DIS3L2: variants seen among roughly 807,000 people sequenced by gnomAD.
DIS3L2 encodes the protein DIS3 like 3'-5' exoribonuclease 2.
Under a neutral mutation model 97.5 loss-of-function variants are expected in DIS3L2, and 34 were observed. The observed-to-expected ratio is 0.35, with a 90% confidence interval of 0.27 to 0.46. DIS3L2 has a LOEUF of 0.46. DIS3L2 is among the 20% of genes least tolerant of loss of function. The probability of loss-of-function intolerance (pLI) is 1.00; values close to 1 mark genes in which losing one functional copy is unlikely to be tolerated. For synonymous variants in DIS3L2, 435 were observed against 445.2 expected, an observed-to-expected ratio of 0.98 and a Z score of 0.29; for missense variants, 1,038 against 1,146.0, an observed-to-expected ratio of 0.91 and a Z score of 1.36.
intron 1 of DIS3L2, among the ~76,000 whole-genome samples, chr2:232,001,865 A>G (rs369994616): frequency 6.6e-6 from 1 of 151,676 alleles, no homozygotes; most frequent in East Asian, 1.9e-4. Flanking sequence ...GATTACAGGC[A>G]TGTGCCACCA....
chr2:232,022,517 C>T (rs1331522973), intron 3 of DIS3L2, among the ~76,000 whole-genome samples: 1 of 151,992 alleles, frequency 6.6e-6, no homozygotes, highest in Non-Finnish European at 1.5e-5. Flanking sequence ...ATTCTGATCT[C>T]TGTACTTGTT....
intron 8 of DIS3L2, among the ~76,000 whole-genome samples, chr2:232,147,993 T>C (rs1690267584): frequency 1.4e-5 from 1 of 73,978 alleles, no homozygotes. Flanking sequence ...TCCGCTCCCC[T>C]CTTTTCTCCT....
chr2:232,011,646 C>G (rs533392376), intron 1 of DIS3L2, among the ~76,000 whole-genome samples: 1 of 150,904 alleles, frequency 6.6e-6, no homozygotes, highest in South Asian at 2.1e-4. Flanking sequence ...AGCCACTGTG[C>G]CTGCCTGTTT....
Position 232,120,901 on chromosome 2 carries a change from A to G in DIS3L2, c.602-9718A>G, listed in dbSNP as rs1044844016. Among the ~76,000 whole-genome samples the G allele has an allele frequency of 3.3e-5, 5 of 152,070 alleles. 1 individual carries two copies. The South Asian group carries it at 1.0e-3, about 32-fold the overall frequency. ...TTCTGGATCACATCCCTTCCTGTCC[A>G]GGGACCCCTCCCTTTCCTAATTGTG... On this transcript the variant is annotated intron_variant, in intron 6 of 20. Coordinates refer to ENST00000325385, the MANE Select transcript of DIS3L2 (RefSeq NM_152383.5).
At chr2:232,156,639 T>C (rs1345480586) in intron 8 of DIS3L2, among the ~76,000 whole-genome samples, 1 of 152,162 alleles carries the variant, frequency 6.6e-6, no homozygotes, top group African/African-American at 2.4e-5. Context: ...TTAGCCCCTT[T>C]TCTATTTTAG....
At chr2:232,298,808 A>G (rs1445401443) in intron 13 of DIS3L2, among the ~76,000 whole-genome samples, 1 of 152,244 alleles carries the variant, frequency 6.6e-6, no homozygotes, top group Non-Finnish European at 1.5e-5. Flanking sequence ...GGAATGTTAA[A>G]GCTGTCATAA....
At chr2:232,077,955 C>CTCTTTCTTTCTTTCTTTCTTT (rs1696248929) in intron 5 of DIS3L2, among the ~76,000 whole-genome samples, 39 of 108,770 alleles carry the variant, frequency 3.6e-4, no homozygotes, top group Admixed American at 5.4e-4. Flanking sequence ...TTCTTTCTTT[C>CTCTTTCTTTCTTTCTTTCTTT]TCTTTCTTTC....
At chr2:232,000,129 T>G (rs1238706554) in intron 1 of DIS3L2, among the ~76,000 whole-genome samples, 1 of 152,232 alleles carries the variant, frequency 6.6e-6, no homozygotes, top group African/African-American at 2.4e-5. Flanking sequence ...CTTTAAATCC[T>G]CTAGGTTACT....
At chr2:232,045,714 G>T (rs1409705218) in intron 5 of DIS3L2, among the ~76,000 whole-genome samples, 3 of 120,600 alleles carry the variant, frequency 2.5e-5, no homozygotes, top group Non-Finnish European at 4.8e-5. Context: ...TCGCTCTGTT[G>T]CCCAGGCTGG....
chr2:232,249,796 T>C (rs1032156793), intron 12 of DIS3L2, among the ~76,000 whole-genome samples: 1 of 152,080 alleles, frequency 6.6e-6, no homozygotes, highest in Non-Finnish European at 1.5e-5. Flanking sequence ...ATTGTAGGTG[T>C]TAGGGTTCCT....
intron 1 of DIS3L2, among the ~76,000 whole-genome samples, chr2:231,970,638 C>T (rs1165310183): frequency 2.0e-5 from 3 of 152,184 alleles, no homozygotes; most frequent in South Asian, 2.1e-4. Flanking sequence ...GGAAGTTGCT[C>T]GGGTGAGTCA....
intron 10 of DIS3L2, among the ~76,000 whole-genome samples, chr2:232,230,456 G>T (rs562471808): frequency 6.6e-6 from 1 of 152,320 alleles, no homozygotes; most frequent in East Asian, 1.9e-4. Flanking sequence ...TTCTATCTCT[G>T]TTGAGGCTCC....
At chr2:232,002,716 A>T (rs1693943561) in intron 1 of DIS3L2, among the ~76,000 whole-genome samples, 1 of 152,176 alleles carries the variant, frequency 6.6e-6, no homozygotes, top group South Asian at 2.1e-4. Flanking sequence ...GTGAAGTGTT[A>T]TTCCACATCC....
chr2:232,320,708 A>G (rs1045113806), intron 14 of DIS3L2, among the ~76,000 whole-genome samples: 5 of 152,196 alleles, frequency 3.3e-5, no homozygotes, highest in African/African-American at 1.2e-4. Context: ...TTTGGCACTC[A>G]ACGTTTTCTG....
At chr2:232,094,570 T>A (rs1696946617) in intron 6 of DIS3L2, among the ~76,000 whole-genome samples, 1 of 151,624 alleles carries the variant, frequency 6.6e-6, no homozygotes, top group Admixed American at 6.6e-5. Context: ...ATAGAAAAAT[T>A]AGCCAGTCAT....
intron 14 of DIS3L2, among the ~76,000 whole-genome samples, chr2:232,306,121 T>G (rs1357787528): frequency 6.6e-6 from 1 of 152,156 alleles, no homozygotes; most frequent in Non-Finnish European, 1.5e-5. Context: ...GGCTTAGGAG[T>G]CTCACCTCCT....
intron 6 of DIS3L2, among the ~76,000 whole-genome samples, chr2:232,100,538 T>G (rs1697165812): frequency 6.6e-6 from 1 of 152,144 alleles, no homozygotes; most frequent in Admixed American, 6.5e-5. Flanking sequence ...AAATACTTCT[T>G]TAGCTCTATT....
intron 1 of DIS3L2, among the ~76,000 whole-genome samples, chr2:231,974,393 C>T (rs1239650313): frequency 2.0e-5 from 3 of 151,854 alleles, no homozygotes; most frequent in Non-Finnish European, 4.4e-5. Flanking sequence ...AGTCTTTTTT[C>T]CTTCTTTGTT....
intron 9 of DIS3L2, among the ~76,000 whole-genome samples, chr2:232,177,122 A>G (rs1327396028): frequency 6.8e-6 from 1 of 147,304 alleles, no homozygotes; most frequent in African/African-American, 2.5e-5. Context: ...ATGTCCCTAC[A>G]AAGGACATAA....
Sources: gnomAD v4.1 joint callset for allele counts (sites outside exome capture counted in the v4.1 genomes callset) on GRCh38, gnomAD v4.1.1 for gene constraint, MANE v1.5 for transcripts, NCBI Gene and HGNC (gene_info 2026-07-23, HGNC 2026-07-21) for gene names.